Variants in AGPS observed in about 807,000 individuals in gnomAD.
AGPS encodes alkyldihydroxyacetonephosphate synthase, peroxisomal.
AGPS carries 26 observed loss-of-function variants against 90.7 expected under a neutral mutation model. The observed-to-expected ratio is 0.29, with a 90% CI of 0.21 to 0.40. AGPS has a LOEUF of 0.40. Ranked by LOEUF, AGPS falls within the 10% of genes least tolerant of loss-of-function variation. AGPS has a pLI of 1.00. For missense variants in AGPS, 540 were observed against 816.1 expected, an observed-to-expected ratio of 0.66 and a Z score of 4.12; for synonymous variants, 294 against 285.3, an observed-to-expected ratio of 1.03 and a Z score of -0.31.
intron 15 of AGPS, among the ~76,000 whole-genome samples, chr2:177,507,121 A>T (rs1480463445): frequency 2.0e-5 from 3 of 152,104 alleles, no homozygotes; most frequent in African/African-American, 2.4e-5. Context: ...TTTTTACTGA[A>T]TAAATGAGTG....
chr2:177,465,155 A>G (rs1484153561), intron 9 of AGPS, among the ~76,000 whole-genome samples: 3 of 152,104 alleles, frequency 2.0e-5, no homozygotes, highest in Non-Finnish European at 4.4e-5. Flanking sequence ...TTAGCTGAGC[A>G]TGGTAGCACA....
At chr2:177,402,469 A>T (rs935728584) in intron 1 of AGPS, among the ~76,000 whole-genome samples, 2 of 152,194 alleles carry the variant, frequency 1.3e-5, no homozygotes, top group African/African-American at 4.8e-5. Context: ...TATTCATGCC[A>T]CATTTTTCAG....
At chr2:177,431,394 A>T (rs1216999621) in intron 2 of AGPS, among the ~76,000 whole-genome samples, 1 of 152,172 alleles carries the variant, frequency 6.6e-6, no homozygotes, top group African/African-American at 2.4e-5. Flanking sequence ...CTGTGCACGT[A>T]TTGTCTTGAT....
chr2:177,508,130 T>C lies in AGPS; in HGVS notation c.1607+99T>C. The C allele has an allele frequency of 4.4e-6, 4 of 918,886 alleles. 1 individual carries two copies. The South Asian group carries it at 5.5e-5, about 13-fold the overall frequency. 56.9% of individuals were successfully genotyped at this position (918,886 alleles called of 1,614,324 possible). On this transcript the variant is annotated intron_variant, in intron 16 of 19. Transcript: ENST00000264167. ...GTGAATATGTAAGTTTAAAACATTT[T>C]ATGAAGAAACATTGAGACAAGGCAG...
intron 8 of AGPS, among the ~76,000 whole-genome samples, chr2:177,450,778 AAAG>A (rs1686914772): frequency 6.6e-6 from 1 of 151,844 alleles, no homozygotes; most frequent in Non-Finnish European, 1.5e-5. Flanking sequence ...TCTGTTAAAA[AAAG>A]AAAAAGTCCC....
intron 9 of AGPS, among the ~76,000 whole-genome samples, chr2:177,468,194 G>A (rs1687510308): frequency 6.6e-6 from 1 of 152,038 alleles, no homozygotes; most frequent in African/African-American, 2.4e-5. Flanking sequence ...ATCAAGAGAT[G>A]TACAATCTTA....
chr2:177,530,161 T>G lies in AGPS; in HGVS notation c.1855+6356T>G, dbSNP rs1574036695. Among the ~76,000 whole-genome samples, 3 of 152,334 alleles carry G rather than the reference T, an allele frequency of 2.0e-5. No individual in the cohort carries two copies. The East Asian group carries it at 5.8e-4, about 29-fold the overall frequency. ...CAAGGGATATGATTCAACAATAGTT[T>G]TAACACTTCATTTATAAACTACAGT... is the stretch of plus-strand genomic sequence containing the variant. On this transcript the variant is annotated intron_variant, in intron 19 of 19. Transcript: ENST00000264167.
intron 13 of AGPS, among the ~76,000 whole-genome samples, 169 bp from the exon 14 acceptor site, chr2:177,499,449 T>C (rs1688494019): frequency 6.6e-6 from 1 of 151,962 alleles, no homozygotes; most frequent in Admixed American, 6.6e-5. Context: ...ATGACCTAAA[T>C]AGGTTTATTA....
rs77518887 is a variant in AGPS, at chr2:177,540,513, A to C, written c.*2318A>C. On this transcript the variant is annotated 3_prime_UTR_variant, in exon 20 of 20. Transcript: ENST00000264167. ...TCACATACCTTCTGGGAGGTGCCTC[A>C]GTATAGACTTGGTATCTGTGAAGGA... The C allele has an allele frequency of 2.0e-5, 3 of 151,886 alleles. No individual in the cohort carries two copies. The highest frequency in any genetic ancestry group is 7.3e-5 in the African/African-American group (3 of 41,330). The allele number at this position is 151,886 out of a possible 1,614,324, so 9.4% of individuals were successfully genotyped here.
intron 19 of AGPS, among the ~76,000 whole-genome samples, chr2:177,533,769 G>T (rs2079159911): frequency 6.6e-6 from 1 of 152,086 alleles, no homozygotes; most frequent in Non-Finnish European, 1.5e-5. Flanking sequence ...GCAGTAGTTT[G>T]GTCAGATTAA....
At chr2:177,406,832 T>A (rs1685480154) in intron 1 of AGPS, among the ~76,000 whole-genome samples, 2 of 152,254 alleles carry the variant, frequency 1.3e-5, no homozygotes. Context: ...CAGCCAATTT[T>A]ATGCTGCTTA....
intron 10 of AGPS, among the ~76,000 whole-genome samples, chr2:177,470,185 C>T (rs1410898252): frequency 6.6e-6 from 1 of 152,108 alleles, no homozygotes. Context: ...GCTGGTTTTT[C>T]AGTATGACTG....
At chr2:177,432,072 CT>C (rs1222822674) in intron 2 of AGPS, among the ~76,000 whole-genome samples, 1 of 152,200 alleles carries the variant, frequency 6.6e-6, no homozygotes, top group East Asian at 1.9e-4. Flanking sequence ...TTTGCTGCTT[CT>C]TATGTGCTGC....
intron 9 of AGPS, among the ~76,000 whole-genome samples, chr2:177,463,037 A>G (rs1687346791): frequency 6.6e-6 from 1 of 152,182 alleles, no homozygotes; most frequent in African/African-American, 2.4e-5. Flanking sequence ...TTCTGAAAAT[A>G]ATTTTTCCTG....
intron 1 of AGPS, among the ~76,000 whole-genome samples, chr2:177,411,526 T>C (rs1475887599): frequency 3.3e-5 from 5 of 152,200 alleles, no homozygotes; most frequent in Non-Finnish European, 7.3e-5. Flanking sequence ...CTTTCCTCTG[T>C]TGTCATCCTA....
chr2:177,392,833 C>G lies in AGPS; in HGVS notation c.44C>G (p.Ala15Gly). The change falls in exon 1 of 20, where the codon GCG (alanine) becomes GGG (glycine). Residue 15 changes from alanine to glycine, a missense_variant. This residue lies in a region of AGPS where 135 missense variants were observed against 124.0 expected (regional missense o/e 1.09). Transcript: ENST00000264167. ...AAAAGGTGLG[A>G]GASYGSAADR... ...GCAGCGGGTGGGACTGGCTTGGGCG[C>G]GGGCGCGAGCTACGGGTCTGCAGCG... The G allele has an allele frequency of 6.5e-7, 1 of 1,546,522 alleles. No homozygotes were observed. Among genetic ancestry groups the G allele is most frequent in the Non-Finnish European group, 8.7e-7 (1 of 1,152,816 alleles).
intron 8 of AGPS, among the ~76,000 whole-genome samples, chr2:177,448,302 G>C (rs1324310277): frequency 6.6e-6 from 1 of 152,078 alleles, no homozygotes. Flanking sequence ...TTAATAATGT[G>C]AACTACTTAG....
intron 10 of AGPS, among the ~76,000 whole-genome samples, chr2:177,478,478 A>G (rs575485305): frequency 2.0e-5 from 3 of 152,082 alleles, no homozygotes; most frequent in Non-Finnish European, 4.4e-5. Context: ...TACTCCCATT[A>G]CACGTAAATT....
chr2:177,419,273 C>T (rs898676713), intron 1 of AGPS, among the ~76,000 whole-genome samples: 5 of 151,912 alleles, frequency 3.3e-5, no homozygotes, highest in African/African-American at 1.2e-4. Context: ...AATAAGAGAA[C>T]ACTTTCTAAT....
Sources: allele counts gnomAD v4.1 joint callset (sites outside exome capture counted in the v4.1 genomes callset), GRCh38; gene constraint gnomAD v4.1.1; regional missense constraint gnomAD v4.1.1; transcripts MANE v1.5; gene names NCBI Gene and HGNC (gene_info 2026-07-23, HGNC 2026-07-21).